Variants in FGD5 observed in about 807,000 individuals in gnomAD.
FGD5 encodes FYVE, RhoGEF and PH domain containing 5, also known as FYVE, RhoGEF and PH domain-containing protein 5.
In FGD5, 28 loss-of-function variants were observed where a neutral mutation model predicts 133.4. The observed-to-expected ratio is 0.21, with a 90% confidence interval of 0.16 to 0.29. The LOEUF (loss-of-function observed/expected upper bound fraction) is 0.29, where lower values mean the gene tolerates loss of function less well. FGD5 is among the 10% of genes least tolerant of loss of function. FGD5 has a pLI of 1.00. For missense variants in FGD5, 1,858 were observed against 1,895.2 expected, an observed-to-expected ratio of 0.98 and a Z score of 0.36; for synonymous variants, 810 against 776.5, an observed-to-expected ratio of 1.04 and a Z score of -0.72.
chr3:14,905,689 C>T (rs367777396), intron 9 of FGD5, among the ~76,000 whole-genome samples: 4 of 152,004 alleles, frequency 2.6e-5, no homozygotes, highest in African/African-American at 9.7e-5. Flanking sequence ...TTCACCTTTC[C>T]CACCAGGTCC....
intron 2 of FGD5, among the ~76,000 whole-genome samples, chr3:14,870,103 G>A (rs60070089): frequency 0.014 from 2,141 of 152,352 alleles, 53 homozygotes; most frequent in African/African-American, 0.048. Flanking sequence ...CTTGGATGAG[G>A]AAGACACATC....
intron 1 of FGD5, among the ~76,000 whole-genome samples, chr3:14,858,564 TACCCTC>T (rs2125100410): frequency 6.6e-6 from 1 of 152,324 alleles, no homozygotes; most frequent in African/African-American, 2.4e-5. Context: ...ATAGACACTG[TACCCTC>T]AGTACCTGTA....
intron 1 of FGD5, among the ~76,000 whole-genome samples, chr3:14,856,310 G>C (rs779261548): frequency 3.3e-5 from 5 of 152,072 alleles, no homozygotes; most frequent in Non-Finnish European, 5.9e-5. Flanking sequence ...GTAATGTGGT[G>C]CCCCCAGCTT....
chr3:14,907,659 T>C lies in FGD5; in HGVS notation c.3284T>C (p.Val1095Ala), dbSNP rs756848358. Residue 1095 changes from valine (V) to alanine (A), a missense_variant, in exon 10 of 20, where the codon GTC (valine) becomes GCC (alanine). Val to Ala is a moderately conservative substitution (Grantham distance 64). This residue lies in a region of FGD5 where 1,824 missense variants were observed against 1,848.9 expected (regional missense o/e 0.99). Coordinates refer to ENST00000285046, the MANE Select transcript of FGD5 (RefSeq NM_152536.4). The part of the protein sequence containing the change: ...MEQGENLQKL[V>A]HIEHSVRGQG... ...CCACAGGAAAACCTGCAGAAGCTGGTCCACATTGAGCACAGCGTCCGGGGC... is the reference window on the plus strand; with the variant it reads ...CCACAGGAAAACCTGCAGAAGCTGGCCCACATTGAGCACAGCGTCCGGGGC... 1.9e-6 allele frequency: 3 copies of C among 1,613,586 alleles called. No individual in the cohort carries two copies. In the East Asian group the frequency reaches 6.7e-5, roughly 36 times the overall value.
chr3:14,869,310 T>TACAA (rs72052662), intron 2 of FGD5, among the ~76,000 whole-genome samples: 28 of 151,212 alleles, frequency 1.9e-4, no homozygotes, highest in Non-Finnish European at 2.8e-4. Flanking sequence ...ACAACAACAA[T>TACAA]ACAAACAAAC....
Position 14,922,483 on chromosome 3 carries a change from T to C in FGD5, c.3742T>C (p.Cys1248Arg). ...GGTGCCTGTCACACACGTCATGATG[T>C]GCATGAACTGCGGCTGCGACTTCTC... ...TLVPVTHVMM[C>R]MNCGCDFSLT... is the part of the protein sequence containing the mutation. The change falls in exon 15 of 20, where the codon TGC becomes CGC. Residue 1248 changes from cysteine (C) to arginine (R), a missense_variant. Cys to Arg is a radical substitution (Grantham distance 180). Transcript: ENST00000285046. This position sits in a 1 kb window ranked among gnomAD's most constrained non-coding sequence, Gnocchi z 4.1. The C allele has an allele frequency of 6.3e-7, 1 of 1,581,748 alleles. No homozygotes were observed. Among genetic ancestry groups the C allele is most frequent in the Non-Finnish European group, 8.6e-7 (1 of 1,164,016 alleles).
intron 11 of FGD5, among the ~76,000 whole-genome samples, chr3:14,913,398 G>T (rs1559503761): frequency 1.3e-5 from 2 of 152,132 alleles, no homozygotes; most frequent in African/African-American, 2.4e-5. Flanking sequence ...CCTGCAGGGA[G>T]TTGGGTCCCC....
intron 9 of FGD5, among the ~76,000 whole-genome samples, chr3:14,904,505 G>GTGTGTGT (rs2038301789): frequency 6.6e-6 from 1 of 150,848 alleles, no homozygotes; most frequent in Non-Finnish European, 1.5e-5. Flanking sequence ...TAGATTTCAG[G>GTGTGTGT]GTGTGTGTGT....
chr3:14,901,151 A>G, intron 9 of FGD5, 90 bp downstream of exon 9: 1 of 1,332,984 alleles, frequency 7.5e-7, no homozygotes, highest in Non-Finnish European at 1.1e-6. Context: ...CCCCACTCCT[A>G]GGGGCTGCAG....
At chr3:14,843,352 G>A (rs2036961739) in intron 1 of FGD5, among the ~76,000 whole-genome samples, 1 of 152,168 alleles carries the variant, frequency 6.6e-6, no homozygotes, top group African/African-American at 2.4e-5. Flanking sequence ...TTTAGCTCGG[G>A]AAAGTCAAGG....
At position 14,821,345 on chromosome 3, in the gene FGD5, G is replaced by A; in HGVS notation, c.2274G>A (p.Leu758=). ...GGCCGCCCTTCCTGCCCTTGCCACT[G>A]ACCAAGCCACGGTCCATCTCCTTCC... ...RSRPPFLPLP[L]TKPRSISFPS... is the part of the protein sequence containing the mutation. The change falls in exon 1 of 20, where the codon CTG becomes CTA. Residue 758 remains leucine (L), a synonymous_variant. Coordinates refer to ENST00000285046, the MANE Select transcript of FGD5 (RefSeq NM_152536.4). 6.2e-7 allele frequency: 1 copy of A among 1,613,974 alleles called. No individual in the cohort carries two copies. The highest frequency in any genetic ancestry group is 8.5e-7 in the Non-Finnish European group (1 of 1,179,896).
At chr3:14,904,295 C>T (rs747708315) in intron 9 of FGD5, among the ~76,000 whole-genome samples, 9 of 152,172 alleles carry the variant, frequency 5.9e-5, no homozygotes, top group African/African-American at 9.7e-5. Context: ...ATGTGGAATT[C>T]CTCTGCCTGG....
chr3:14,876,000 A>T (rs990463754), intron 2 of FGD5, among the ~76,000 whole-genome samples: 3 of 152,184 alleles, frequency 2.0e-5, no homozygotes, highest in African/African-American at 7.2e-5. Flanking sequence ...GGTGGCTGTT[A>T]ACATCAGGCT....
intron 2 of FGD5, among the ~76,000 whole-genome samples, chr3:14,875,220 T>G (rs745983598): frequency 6.6e-6 from 1 of 152,112 alleles, no homozygotes; most frequent in Non-Finnish European, 1.5e-5. Flanking sequence ...GGCCCCTTCA[T>G]TGGGACCCTC....
chr3:14,926,145 A>C lies in FGD5; in HGVS notation c.4144A>C (p.Lys1382Gln). The C allele has an allele frequency of 6.2e-7, 1 of 1,613,924 alleles. No homozygotes were observed. Among genetic ancestry groups the C allele is most frequent in the Non-Finnish European group, 8.5e-7 (1 of 1,179,842 alleles). ...RCKRGKRHWK[K>Q]LWFVIKGKVL... ...TAAGAGGGGCAAGCGGCACTGGAAGAAGCTCTGGTTTGTCATCAAAGGCAA... is the reference window on the plus strand; with the variant it reads ...TAAGAGGGGCAAGCGGCACTGGAAGCAGCTCTGGTTTGTCATCAAAGGCAA... The change falls in exon 18 of 20, where the codon AAG becomes CAG. Residue 1382 changes from lysine to glutamine, a missense_variant. Lys to Gln is a moderately conservative substitution (Grantham distance 53, BLOSUM62 1). Around this residue, in one of 3 missense-constraint regions of FGD5, gnomAD observed 1,824 missense variants for 1,848.9 expected, o/e 0.99. Transcript: ENST00000285046.
At position 14,841,414 on chromosome 3, in the gene FGD5, G is replaced by A. The variant is rs117817063; in HGVS notation, c.2525+19818G>A. Among the ~76,000 whole-genome samples, 177 of 152,286 alleles carry A rather than the reference G, an allele frequency of 1.2e-3. 6 individuals are homozygous for A. In the East Asian group the frequency reaches 0.032, roughly 27 times the overall value. On this transcript the variant is annotated intron_variant, in intron 1 of 19. Coordinates refer to ENST00000285046, the MANE Select transcript of FGD5 (RefSeq NM_152536.4). The stretch of plus-strand genomic sequence containing the variant: ...CATGTGCTTAGGAACATGGGGAGCC[G>A]CTGGGTTAAATGCTGCCCTGTCCTG...
At chr3:14,812,531 C>T (rs2125062901) in intron 1 of FGD5, among the ~76,000 whole-genome samples, 1 of 152,274 alleles carries the variant, frequency 6.6e-6, no homozygotes, top group East Asian at 1.9e-4. Flanking sequence ...GAAATCTTAG[C>T]CGTTGTCGCT....
rs370742215 is a variant in FGD5, at chr3:14,820,905, A to G, written c.1834A>G (p.Met612Val). The change falls in exon 1 of 20, where the codon ATG (methionine) becomes GTG (valine). Residue 612 changes from methionine (M) to valine (V), a missense_variant. By Grantham distance (21) the Met-to-Val change is conservative. Transcript: ENST00000285046. ...CAGCGGCACCTCCACGCCTTCTTCC[A>G]TGGTCGACATCCCACCTCCTTTCGA... ...PSSGTSTPSSMVDIPPPFDLA... is the reference protein window; with the variant it reads ...PSSGTSTPSSVVDIPPPFDLA... The G allele has an allele frequency of 2.8e-5, 45 of 1,613,680 alleles. No individual in the cohort carries two copies. The African/African-American group carries it at 4.1e-4, about 15-fold the overall frequency.
intron 4 of FGD5, among the ~76,000 whole-genome samples, chr3:14,895,026 A>C (rs1410179275): frequency 6.6e-6 from 1 of 152,080 alleles, no homozygotes; most frequent in African/African-American, 2.4e-5. Flanking sequence ...ATCTGTTTAG[A>C]TCTTTTGCCC....
Sources: allele counts gnomAD v4.1 joint callset (sites outside exome capture counted in the v4.1 genomes callset), GRCh38; gene constraint gnomAD v4.1.1; regional missense constraint gnomAD v4.1.1; non-coding constraint Gnocchi (gnomAD v3.1); transcripts MANE v1.5; gene names NCBI Gene and HGNC (gene_info 2026-07-23, HGNC 2026-07-21).